Variants in MIPEP observed in about 807,000 individuals in gnomAD.
MIPEP encodes the protein mitochondrial intermediate peptidase.
Under a neutral mutation model 90.3 loss-of-function variants are expected in MIPEP, and 79 were observed. The ratio of observed to expected loss-of-function variants is 0.87; its 90% CI spans 0.73 to 1.05. MIPEP has a LOEUF of 1.05. Among genes scored for constraint, MIPEP ranks in the 50% least tolerant of loss-of-function variants. MIPEP has a pLI of 0.00. For synonymous variants in MIPEP, 334 were observed against 315.8 expected, an observed-to-expected ratio of 1.06 and a Z score of -0.61; for missense variants, 940 against 905.6, an observed-to-expected ratio of 1.04 and a Z score of -0.49.
At chr13:23,745,542 T>C (rs1031696110) in intron 18 of MIPEP, among the ~76,000 whole-genome samples, 68 of 152,300 alleles carry the variant, frequency 4.5e-4, no homozygotes, top group African/African-American at 1.6e-3. Flanking sequence ...CTGGTACTCC[T>C]TCCAAATGTA....
chr13:23,744,306 A>G (rs1952362389), intron 18 of MIPEP, among the ~76,000 whole-genome samples: 1 of 152,242 alleles, frequency 6.6e-6, no homozygotes, highest in African/African-American at 2.4e-5. Flanking sequence ...ATAACCCAAT[A>G]ATATCTTCTT....
At chr13:23,732,407 C>G (rs1952216245) in intron 18 of MIPEP, among the ~76,000 whole-genome samples, 1 of 152,062 alleles carries the variant, frequency 6.6e-6, no homozygotes, top group Non-Finnish European at 1.5e-5. Flanking sequence ...AAACATAGAC[C>G]TACACTAGGA....
intron 15 of MIPEP, 146 bp from the exon 16 acceptor site, chr13:23,806,215 A>T (rs542907960): frequency 1.8e-5 from 14 of 789,124 alleles, no homozygotes; most frequent in Admixed American, 1.6e-4. Flanking sequence ...ATGGTTTGAA[A>T]TGTATTTCAT....
chr13:23,829,069 G>A (rs1868611059), intron 14 of MIPEP, among the ~76,000 whole-genome samples: 1 of 152,222 alleles, frequency 6.6e-6, no homozygotes, highest in Non-Finnish European at 1.5e-5. Flanking sequence ...TGGCACTGAA[G>A]AAAGGGTAAA....
intron 18 of MIPEP, among the ~76,000 whole-genome samples, chr13:23,746,015 CTT>C (rs34752143): frequency 9.6e-4 from 130 of 135,016 alleles, no homozygotes; most frequent in African/African-American, 3.3e-3. Context: ...ACTCAGCACA[CTT>C]TTTTTTTTTT....
intron 5 of MIPEP, among the ~76,000 whole-genome samples, chr13:23,871,243 G>T (rs982928298): frequency 6.6e-6 from 1 of 152,186 alleles, no homozygotes; most frequent in Non-Finnish European, 1.5e-5. Context: ...GTTTAATCTT[G>T]CAGTCATATC....
At chr13:23,731,068 TA>T (rs1952199516) in intron 18 of MIPEP, among the ~76,000 whole-genome samples, 1 of 152,212 alleles carries the variant, frequency 6.6e-6, no homozygotes. Context: ...ATGCCTAGCA[TA>T]TATTAAGAAT....
chr13:23,821,420 G>A (rs938502929), intron 14 of MIPEP, among the ~76,000 whole-genome samples: 8 of 151,864 alleles, frequency 5.3e-5, no homozygotes, highest in African/African-American at 1.9e-4. Flanking sequence ...ATCCCACCAA[G>A]TCCAAATGAG....
chr13:23,874,883 T>C lies in MIPEP; in HGVS notation c.566A>G (p.Asp189Gly). ...TRRVAELFMF[D>G]FEISGIHLDK... ...TAGATGGATTCCACTAATTTCAAAA[T>C]CAAACATAAACAGTTCAGCCACTCG... The change falls in exon 5 of 19, where the codon GAT becomes GGT. Residue 189 changes from aspartate (D) to glycine (G), a missense_variant. Transcript: ENST00000382172. 2 of 1,600,640 alleles carry C rather than the reference T, an allele frequency of 1.2e-6. No individual in the cohort carries two copies. The highest frequency in any genetic ancestry group is 1.3e-5 in the African/African-American group (1 of 74,138).
chr13:23,860,318 A>T (rs1030967132), intron 9 of MIPEP, among the ~76,000 whole-genome samples: 8 of 152,230 alleles, frequency 5.3e-5, no homozygotes, highest in African/African-American at 1.9e-4. Context: ...GGTGTTTGTA[A>T]ATGACTGGAA....
intron 7 of MIPEP, among the ~76,000 whole-genome samples, chr13:23,866,494 T>A (rs970868568): frequency 6.6e-6 from 1 of 152,096 alleles, no homozygotes; most frequent in African/African-American, 2.4e-5. Flanking sequence ...CAGCCAGTGG[T>A]CATGCCCAGC....
chr13:23,829,456 A>G (rs1868631564), intron 14 of MIPEP, among the ~76,000 whole-genome samples: 1 of 152,128 alleles, frequency 6.6e-6, no homozygotes, highest in South Asian at 2.1e-4. Context: ...ACTATTAACT[A>G]TAAAGACAAG....
At chr13:23,786,196 C>T (rs1433676446) in intron 16 of MIPEP, among the ~76,000 whole-genome samples, 2 of 152,138 alleles carry the variant, frequency 1.3e-5, no homozygotes, top group Admixed American at 1.3e-4. Flanking sequence ...CCCTGCATGC[C>T]AGCCTGGGCA....
chr13:23,805,120 C>T (rs932952061), intron 16 of MIPEP, among the ~76,000 whole-genome samples: 1 of 152,224 alleles, frequency 6.6e-6, no homozygotes, highest in Non-Finnish European at 1.5e-5. Context: ...AATAAATTCC[C>T]TTTTCTGTTT....
At chr13:23,817,333 C>T (rs555765027) in intron 14 of MIPEP, among the ~76,000 whole-genome samples, 1 of 152,294 alleles carries the variant, frequency 6.6e-6, no homozygotes, top group African/African-American at 2.4e-5. Flanking sequence ...AGCTTTGGCA[C>T]GTATGACAGA....
Position 23,879,296 on chromosome 13 carries a change from G to C in MIPEP, c.511C>G (p.Leu171Val). Residue 171 changes from leucine (L) to valine (V), a missense_variant, in exon 4 of 19, where the codon CTT (leucine) becomes GTT (valine). Leu to Val is a conservative substitution (Grantham distance 32). Coordinates refer to ENST00000382172, the MANE Select transcript of MIPEP (RefSeq NM_005932.4). Reference protein sequence around the residue: ...SLQKLLADKKLVDSLDPETRR... With the variant: ...SLQKLLADKKVVDSLDPETRR... The stretch of plus-strand genomic sequence containing the variant: ...GTTTCTGGATCAAGGGAATCCACAA[G>C]TTTTTTATCAGCTAGTAATTTTTGC... 6.2e-7 allele frequency: 1 copy of C among 1,606,398 alleles called. No homozygotes were observed. Among genetic ancestry groups the C allele is most frequent in the Non-Finnish European group, 8.5e-7 (1 of 1,173,496 alleles).
intron 16 of MIPEP, among the ~76,000 whole-genome samples, chr13:23,794,751 C>T (rs1952937894): frequency 6.6e-6 from 1 of 152,012 alleles, no homozygotes; most frequent in Admixed American, 6.6e-5. Context: ...AAAAAAACAA[C>T]CGGGTAGTCA....
In MIPEP at chr13:23,760,205, G is replaced by A. The variant is rs763154846; in HGVS notation, c.1861C>T (p.Arg621Ter). The A allele has an allele frequency of 1.3e-5, 21 of 1,613,928 alleles. No homozygotes were observed. Among genetic ancestry groups the A allele is most frequent in the South Asian group, 3.3e-5 (3 of 91,078 alleles). ...PYVPNTAWQL[R>*]FSHLVGYGAR... The stretch of plus-strand genomic sequence containing the variant: ...CCATACCCCACGAGGTGGCTGAATC[G>A]CAGCTGCCAGGCCTGCCAAGAACAG... Residue 621 changes from arginine (R) to a stop codon, truncating the protein, a stop_gained, in exon 17 of 19, where the codon CGA (arginine) becomes TGA (stop). Transcript: ENST00000382172. LOFTEE classifies it high-confidence loss of function.
At chr13:23,867,634 T>C (rs1870601307) in intron 7 of MIPEP, among the ~76,000 whole-genome samples, 1 of 152,170 alleles carries the variant, frequency 6.6e-6, no homozygotes. Context: ...CTGACTTATT[T>C]CCCTGACCGA....
Sources: gnomAD v4.1 joint callset for allele counts (sites outside exome capture counted in the v4.1 genomes callset) on GRCh38, gnomAD v4.1.1 for gene constraint, MANE v1.5 for transcripts, NCBI Gene and HGNC (gene_info 2026-07-23, HGNC 2026-07-21) for gene names.